The following SNAPC3 variants were observed in gnomAD, a reference collection of about 807,000 sequenced individuals.
SNAPC3 encodes the protein small nuclear RNA activating complex polypeptide 3, also known as snRNA-activating protein complex subunit 3.
Under a neutral mutation model 47.7 loss-of-function variants are expected in SNAPC3, and 56 were observed. That is an observed-to-expected ratio of 1.18 (90% CI 0.95 to 1.47). SNAPC3 has a LOEUF of 1.47. SNAPC3 is among the 40% of genes most tolerant of loss of function. The pLI is 0.00. For missense variants in SNAPC3, 665 were observed against 511.3 expected (o/e 1.30, Z -2.90); for synonymous variants, 235 against 189.9 (o/e 1.24, Z -1.95).
rs78553042 is a variant in SNAPC3, at chr9:15,424,758, T to G, written c.392+772T>G. Among the ~76,000 whole-genome samples, 640 of 152,342 alleles carry G rather than the reference T, an allele frequency of 4.2e-3. 1 individual carries two copies. The highest frequency in any genetic ancestry group is 0.014 in the African/African-American group (577 of 41,570). ...ATAGTGAAATTTATAATTTCCAATT[T>G]ATAGTCCACTTATTTCATACTACCT... On this transcript the variant is annotated intron_variant, in intron 2 of 8. Coordinates refer to ENST00000380821, the MANE Select transcript of SNAPC3 (RefSeq NM_001039697.2).
Position 15,453,517 on chromosome 9 carries a change from T to C in SNAPC3, c.980+312T>C, listed in dbSNP as rs142555033. The C allele has an allele frequency of 1.9e-3, 353 of 187,608 alleles. 4 individuals are homozygous for C. The highest frequency in any genetic ancestry group is 7.9e-3 in the African/African-American group (341 of 42,924). The allele number at this position is 187,608 out of a possible 1,614,324, so 11.6% of individuals were successfully genotyped here. A position where few individuals can be genotyped will look rare whatever the true frequency, so the allele number is the denominator to read the frequency against. On this transcript the variant is annotated intron_variant, in intron 7 of 8. Transcript: ENST00000380821. Reference sequence around the variant, plus strand: ...AGCTGTTATTCAGATATAGTACTTATCCATTTATATATAACATTGCAACTT... The same window carrying C: ...AGCTGTTATTCAGATATAGTACTTACCCATTTATATATAACATTGCAACTT...
At chr9:15,454,190 G>A (rs2034600762) in intron 7 of SNAPC3, among the ~76,000 whole-genome samples, 1 of 151,074 alleles carries the variant, frequency 6.6e-6, no homozygotes, top group South Asian at 2.1e-4. Flanking sequence ...TGATCATGCC[G>A]CTGCATTCCA....
rs533859206 is a variant in SNAPC3 at position 15,452,561 on chromosome 9, G to A, written c.816-480G>A. ...TCGAACTCTGGACCTCAAGCGATCC[G>A]CCCACCTCGGCCTCCCGAAGTGCTG... On this transcript the variant is annotated intron_variant, in intron 6 of 8. Transcript: ENST00000380821. Among the ~76,000 whole-genome samples the A allele has an allele frequency of 9.2e-5, 14 of 151,962 alleles. No individual in the cohort carries two copies. The East Asian group carries it at 2.0e-3, about 21-fold the overall frequency.
intron 8 of SNAPC3, 134 bp downstream of exon 8, chr9:15,458,201 C>T: frequency 1.9e-6 from 1 of 518,188 alleles, no homozygotes; most frequent in Non-Finnish European, 3.3e-6. Flanking sequence ...TAGGGAAGTG[C>T]CAGAAAATCA....
rs775845644 is a variant in SNAPC3, at chr9:15,458,067, GGTGA to G, written c.1088+5_1088+8del. ...TTTGTTTGTAAAATGTATACAGCCA[GGTGA>G]GTGATAATGTATTTTTTTTTTTCTC... On this transcript the variant is annotated splice_donor_variant and splice_donor_region_variant and intron_variant, in intron 8 of 8. Transcript: ENST00000380821. LOFTEE classifies it high-confidence loss of function. 1 of 1,497,030 alleles carries G rather than the reference GGTGA, an allele frequency of 6.7e-7. No homozygotes were observed. The highest frequency in any genetic ancestry group is 2.4e-5 in the East Asian group (1 of 42,004). The allele number at this position is 1,497,030 out of a possible 1,614,324, so 92.7% of individuals were successfully genotyped here.
downstream of SNAPC3, chr9:15,465,004 A>AATT: frequency 4.5e-6 from 1 of 220,208 alleles, no homozygotes; most frequent in East Asian, 6.8e-5. Context: ...GTGAGATTAA[A>AATT]ATTAACTTTT....
At chr9:15,453,444 T>C (rs2034546237) in intron 7 of SNAPC3, 1 of 362,386 alleles carries the variant, frequency 2.8e-6, no homozygotes. Flanking sequence ...TATTAGACGG[T>C]TAAAAATCTG....
At chr9:15,423,435 G>C (rs1051760221) in intron 1 of SNAPC3, among the ~76,000 whole-genome samples, 1 of 152,198 alleles carries the variant, frequency 6.6e-6, no homozygotes, top group African/African-American at 2.4e-5. Context: ...TCAAAGACTA[G>C]TTTTTCCATT....
At chr9:15,465,645 A>AT, downstream of SNAPC3, 1 of 1,315,862 alleles carries the variant, frequency 7.6e-7, no homozygotes, top group South Asian at 1.3e-5. Flanking sequence ...AAAAAAAGAC[A>AT]TTAAGTCTGC....
At chr9:15,451,237 A>G (rs568065348) in intron 5 of SNAPC3, 83 bp from the exon 6 acceptor site, 1 of 508,640 alleles carries the variant, frequency 2.0e-6, no homozygotes, top group South Asian at 4.5e-5. Context: ...ATTTTATGAT[A>G]TATCTATTTT....
At chr9:15,466,270 T>C (rs2035619679), downstream of SNAPC3, among the ~76,000 whole-genome samples, 1 of 151,852 alleles carries the variant, frequency 6.6e-6, no homozygotes, top group African/African-American at 2.4e-5. Flanking sequence ...TCCCAGCTAC[T>C]TGGGAGGCTG....
At chr9:15,444,577 T>A in intron 3 of SNAPC3, 25 bp from the exon 4 acceptor site, 1 of 1,387,842 alleles carries the variant, frequency 7.2e-7, no homozygotes, top group Non-Finnish European at 1.0e-6. Context: ...GTATCTGATT[T>A]CAGTGTCTCT....
chr9:15,458,184 C>T, intron 8 of SNAPC3, 117 bp downstream of exon 8: 1 of 560,998 alleles, frequency 1.8e-6, no homozygotes, highest in South Asian at 2.6e-5. Flanking sequence ...TATGAAGTAT[C>T]ATCTAGTAGG....
chr9:15,423,021 G>T lies in SNAPC3; in HGVS notation c.142G>T (p.Gly48Trp), dbSNP rs751393125. The part of the protein sequence containing the change: ...NTRAFHVGAF[G>W]ELWRGRLRGA... Reference sequence around the variant, plus strand: ...GCGCGCTTTCCATGTGGGCGCCTTTGGGGAGCTGTGGCGGGGCCGTCTGCG... The same window carrying T: ...GCGCGCTTTCCATGTGGGCGCCTTTTGGGAGCTGTGGCGGGGCCGTCTGCG... The change falls in exon 1 of 9, where the codon GGG becomes TGG. Residue 48 changes from glycine (G) to tryptophan (W), a missense_variant. Physicochemically the swap from Gly to Trp is radical, Grantham distance 184. Coordinates refer to ENST00000380821, the MANE Select transcript of SNAPC3 (RefSeq NM_001039697.2). 6.5e-7 allele frequency: 1 copy of T among 1,537,410 alleles called. No homozygotes were observed. Among genetic ancestry groups the T allele is most frequent in the South Asian group, 1.2e-5 (1 of 81,384 alleles).
At chr9:15,424,053 T>C in intron 2 of SNAPC3, 67 bp downstream of exon 2, 1 of 904,624 alleles carries the variant, frequency 1.1e-6, no homozygotes. Context: ...TTTTGAAAAG[T>C]TGAAAGTGCA....
intron 7 of SNAPC3, among the ~76,000 whole-genome samples, chr9:15,454,224 T>C (rs1432084306): frequency 3.4e-5 from 5 of 149,034 alleles, no homozygotes; most frequent in African/African-American, 9.9e-5. Flanking sequence ...AGTGAGACCT[T>C]GTCTCAAAAA....
downstream of SNAPC3, among the ~76,000 whole-genome samples, chr9:15,466,313 A>C (rs530795082): frequency 6.6e-6 from 1 of 152,344 alleles, no homozygotes; most frequent in Non-Finnish European, 1.5e-5. Context: ...CAGGAAGTGG[A>C]GGTTGCAGTG....
intron 3 of SNAPC3, among the ~76,000 whole-genome samples, chr9:15,434,629 C>T (rs1369308732): frequency 6.6e-6 from 1 of 152,002 alleles, no homozygotes; most frequent in Non-Finnish European, 1.5e-5. Flanking sequence ...TGGTCTCGAA[C>T]CCTTGACCTC....
intron 2 of SNAPC3, among the ~76,000 whole-genome samples, chr9:15,429,167 A>G (rs1448367134): frequency 6.6e-6 from 1 of 152,160 alleles, no homozygotes; most frequent in Non-Finnish European, 1.5e-5. Flanking sequence ...AAAAACTGAC[A>G]TACAAAGCAA....
Sources: gnomAD v4.1 joint callset for allele counts (sites outside exome capture counted in the v4.1 genomes callset) on GRCh38, gnomAD v4.1.1 for gene constraint, MANE v1.5 for transcripts, NCBI Gene and HGNC (gene_info 2026-07-23, HGNC 2026-07-21) for gene names.